The following DLGAP1 variants were observed in gnomAD, a reference collection of about 807,000 sequenced individuals.
The protein encoded by DLGAP1 is disks large-associated protein 1.
A neutral mutation model predicts 90.8 loss-of-function variants in DLGAP1; 11 were observed. That is an observed-to-expected ratio of 0.12 (90% CI 0.08 to 0.20). DLGAP1 has a LOEUF of 0.20. Ranked by LOEUF, DLGAP1 falls within the 10% of genes least tolerant of loss-of-function variation. The pLI is 1.00. For synonymous variants in DLGAP1, 558 were observed against 540.7 expected, an observed-to-expected ratio of 1.03 and a Z score of -0.44; for missense variants, 1,050 against 1,333.8, an observed-to-expected ratio of 0.79 and a Z score of 3.31.
intron 2 of DLGAP1, among the ~76,000 whole-genome samples, chr18:4,073,085 C>T (rs1415518081): frequency 2.6e-5 from 4 of 152,112 alleles, no homozygotes; most frequent in Non-Finnish European, 4.4e-5. Context: ...ATCATGGACA[C>T]ACACCAAGGA....
rs192942783 is a variant in DLGAP1 at position 3,902,074 on chromosome 18, T to C, written c.-72-21934A>G. Among the ~76,000 whole-genome samples the C allele has an allele frequency of 7.9e-5, 12 of 152,326 alleles. No homozygotes were observed. In the East Asian group the frequency reaches 2.3e-3, roughly 29 times the overall value. On this transcript the variant is annotated intron_variant, in intron 3 of 12. Coordinates refer to ENST00000315677, the MANE Select transcript of DLGAP1 (RefSeq NM_004746.4). ...AGAGCACAGAACCTCAATACCAGCA[T>C]TGAATTTCACAGTGAGAAAGTTATT...
chr18:4,067,336 AAAAG>A (rs939877881), intron 2 of DLGAP1, among the ~76,000 whole-genome samples: 19 of 152,128 alleles, frequency 1.2e-4, no homozygotes, highest in African/African-American at 4.1e-4. Flanking sequence ...ATAAAAGTAA[AAAAG>A]AAAGAAAGGA....
At chr18:3,910,247 G>T (rs1479978602) in intron 3 of DLGAP1, among the ~76,000 whole-genome samples, 2 of 151,646 alleles carry the variant, frequency 1.3e-5, no homozygotes, top group African/African-American at 4.9e-5. Context: ...GTGATTTGGA[G>T]TTTTATCTTA....
rs778024254 is a variant in DLGAP1, at chr18:3,879,791, G to T, written c.278C>A (p.Ala93Asp). 1.2e-6 allele frequency: 2 copies of T among 1,607,354 alleles called. No homozygotes were observed. The highest frequency in any genetic ancestry group is 3.3e-5 in the Admixed American group (2 of 60,010). The change falls in exon 4 of 13, where the codon GCC (alanine) becomes GAC (aspartate). Residue 93 changes from alanine (A) to aspartate (D), a missense_variant. By Grantham distance (126) the Ala-to-Asp change is moderately radical (BLOSUM62 -2). Transcript: ENST00000315677. This position sits in a 1 kb window ranked among gnomAD's most constrained non-coding sequence, Gnocchi z 6.6. ...DECALVPRTL[A>D]TKANRIPANL... ...GGCGGGGATGCGGTTCGCCTTGGTG[G>T]CCAGGGTGCGGGGCACCAGGGCACA...
intron 1 of DLGAP1, among the ~76,000 whole-genome samples, chr18:4,395,332 G>A (rs1402402401): frequency 2.0e-5 from 3 of 151,790 alleles, no homozygotes; most frequent in African/African-American, 4.8e-5. Flanking sequence ...GGTAAGTATC[G>A]CTTTTCTCTG....
intron 4 of DLGAP1, among the ~76,000 whole-genome samples, chr18:3,871,108 A>C (rs1221604861): frequency 2.6e-5 from 4 of 152,232 alleles, no homozygotes; most frequent in Non-Finnish European, 4.4e-5. Context: ...GTACAACATA[A>C]TGGGAAGAGA....
intron 7 of DLGAP1, among the ~76,000 whole-genome samples, chr18:3,710,355 G>A (rs11081066): frequency 0.31 from 46,367 of 151,982 alleles, 7,128 homozygotes; most frequent in South Asian, 0.35. Flanking sequence ...GTCATCCCCC[G>A]CCCTTTCTCC....
At chr18:3,632,965 T>C (rs934463298) in intron 7 of DLGAP1, among the ~76,000 whole-genome samples, 4 of 152,218 alleles carry the variant, frequency 2.6e-5, no homozygotes, top group African/African-American at 9.6e-5. Flanking sequence ...CATATGGCAA[T>C]GACTACTTGC....
chr18:3,821,843 G>T, intron 4 of DLGAP1: 1 of 891,054 alleles, frequency 1.1e-6, no homozygotes, highest in Non-Finnish European at 1.3e-6. Flanking sequence ...TGGCTGTAAT[G>T]TGTTGGCCTT....
At chr18:3,596,674 C>T (rs2056593810) in intron 7 of DLGAP1, 3 of 357,974 alleles carry the variant, frequency 8.4e-6, no homozygotes, top group Middle Eastern at 1.8e-3. Context: ...GCGTGGCTCA[C>T]GGTACTAGTG....
At chr18:4,254,157 G>T (rs926496543) in intron 1 of DLGAP1, among the ~76,000 whole-genome samples, 2 of 152,182 alleles carry the variant, frequency 1.3e-5, no homozygotes, top group Non-Finnish European at 2.9e-5. Flanking sequence ...TTCACAGAAG[G>T]TACCTTCCTC....
At chr18:4,048,579 C>T (rs2075088817) in intron 2 of DLGAP1, among the ~76,000 whole-genome samples, 1 of 152,112 alleles carries the variant, frequency 6.6e-6, no homozygotes. Flanking sequence ...TTTTCTTTGA[C>T]AAACAAATCC....
intron 3 of DLGAP1, among the ~76,000 whole-genome samples, chr18:3,972,319 C>G (rs1022939200): frequency 2.0e-5 from 3 of 152,046 alleles, no homozygotes; most frequent in African/African-American, 7.2e-5. Context: ...CGAGACCAGC[C>G]TGGGCAACAT....
intron 7 of DLGAP1, among the ~76,000 whole-genome samples, chr18:3,715,816 T>A (rs1272879122): frequency 4.6e-5 from 7 of 152,174 alleles, no homozygotes; most frequent in Non-Finnish European, 1.0e-4. Flanking sequence ...CACCATGAAC[T>A]GGTTTTATGT....
At position 3,682,137 on chromosome 18, in the gene DLGAP1, A is replaced by T. The variant is rs574162428; in HGVS notation, c.1591+46998T>A. Among the ~76,000 whole-genome samples, 66 of 149,766 alleles carry T rather than the reference A, an allele frequency of 4.4e-4. 1 individual carries two copies. The highest frequency in any genetic ancestry group is 7.9e-4 in the Non-Finnish European group (53 of 67,342). ...GTCTCAAAAAAAAAAAAAATAAAAA[A>T]AAATAAAAATAACGAACGAACTAAC... On this transcript the variant is annotated intron_variant, in intron 7 of 12. Transcript: ENST00000315677.
intron 9 of DLGAP1, among the ~76,000 whole-genome samples, chr18:3,547,746 A>G (rs1371598600): frequency 2.6e-5 from 4 of 152,214 alleles, no homozygotes; most frequent in African/African-American, 4.8e-5. Flanking sequence ...GGTATATATC[A>G]AAAAGAATTT....
At chr18:4,058,316 AG>A (rs2075251594) in intron 2 of DLGAP1, among the ~76,000 whole-genome samples, 1 of 152,208 alleles carries the variant, frequency 6.6e-6, no homozygotes, top group Admixed American at 6.5e-5. Flanking sequence ...GCATTTGTGT[AG>A]CAGCAAAGAA....
intron 8 of DLGAP1, among the ~76,000 whole-genome samples, chr18:3,571,821 C>T (rs58397137): frequency 0.011 from 1,653 of 152,244 alleles, 22 homozygotes; most frequent in African/African-American, 0.038. Flanking sequence ...CCAATGTTCC[C>T]GGCCGCCTGG....
At chr18:3,707,709 C>T (rs535848061) in intron 7 of DLGAP1, among the ~76,000 whole-genome samples, 119 of 152,188 alleles carry the variant, frequency 7.8e-4, no homozygotes, top group African/African-American at 2.8e-3. Flanking sequence ...GTCTGTTTTC[C>T]TGCATTGGTG....
Sources: allele counts gnomAD v4.1 joint callset (sites outside exome capture counted in the v4.1 genomes callset), GRCh38; gene constraint gnomAD v4.1.1; non-coding constraint Gnocchi (gnomAD v3.1); transcripts MANE v1.5; gene names NCBI Gene and HGNC (gene_info 2026-07-23, HGNC 2026-07-21).